NEIL3: variants seen among roughly 807,000 people sequenced by gnomAD.
The protein encoded by NEIL3 is endonuclease 8-like 3.
In NEIL3, 48 loss-of-function variants were observed where a neutral mutation model predicts 57.5. The observed-to-expected ratio is 0.83, with a 90% CI of 0.66 to 1.06. The LOEUF is 1.06. NEIL3 is among the 50% of genes least tolerant of loss of function. The probability of loss-of-function intolerance (pLI) is 0.00; values close to 1 mark genes in which losing one functional copy is unlikely to be tolerated. For synonymous variants in NEIL3, 261 were observed against 253.2 expected, an observed-to-expected ratio of 1.03 and a Z score of -0.29; for missense variants, 717 against 739.1, an observed-to-expected ratio of 0.97 and a Z score of 0.35.
chr4:177,357,855 T>C (rs985666054), intron 8 of NEIL3, among the ~76,000 whole-genome samples: 15 of 152,242 alleles, frequency 9.9e-5, no homozygotes, highest in African/African-American at 3.6e-4. Context: ...AGATCACTTA[T>C]AACCCAGAAT....
chr4:177,335,895 T>A, intron 3 of NEIL3, 73 bp downstream of exon 3: 1 of 1,333,622 alleles, frequency 7.5e-7, no homozygotes, highest in Non-Finnish European at 1.0e-6. Flanking sequence ...CACGTGTAAC[T>A]AAAGAAACAA....
chr4:177,365,807 T>TA (rs1735685605), downstream of NEIL3, among the ~76,000 whole-genome samples: 1 of 152,184 alleles, frequency 6.6e-6, no homozygotes, highest in African/African-American at 2.4e-5. Flanking sequence ...TTATTTTGCT[T>TA]AAAGTCACAG....
At chr4:177,319,533 T>A (rs1734634218) in intron 1 of NEIL3, among the ~76,000 whole-genome samples, 1 of 152,174 alleles carries the variant, frequency 6.6e-6, no homozygotes, top group Non-Finnish European at 1.5e-5. Context: ...TGGTGATTTC[T>A]GAGATTTTGG....
chr4:177,334,065 A>G (rs555980964), intron 2 of NEIL3, among the ~76,000 whole-genome samples: 40 of 152,242 alleles, frequency 2.6e-4, no homozygotes, highest in African/African-American at 9.4e-4. Context: ...AAACTAATTA[A>G]TTATGAGGAA....
intron 7 of NEIL3, among the ~76,000 whole-genome samples, chr4:177,352,960 G>A (rs1174952561): frequency 6.6e-6 from 1 of 152,126 alleles, no homozygotes; most frequent in Non-Finnish European, 1.5e-5. Flanking sequence ...AGCTTTATGG[G>A]ATATCATCTC....
chr4:177,327,770 T>C (rs915053488), intron 2 of NEIL3, among the ~76,000 whole-genome samples: 20 of 152,246 alleles, frequency 1.3e-4, no homozygotes, highest in Admixed American at 1.2e-3. Context: ...GTTGAATTTT[T>C]CAAGTATTTT....
chr4:177,339,870 T>C lies in NEIL3; in HGVS notation c.702+13T>C, dbSNP rs1735056433. 1 of 1,583,414 alleles carries C rather than the reference T, an allele frequency of 6.3e-7. No individual in the cohort carries two copies. The highest frequency in any genetic ancestry group is 8.7e-7 in the Non-Finnish European group (1 of 1,152,864). ...TCTCTTTTACAGGGTAAGAGCAAAATTTTTCAACTGTGTAAAATGTAAAAT... is the reference window on the plus strand; with the variant it reads ...TCTCTTTTACAGGGTAAGAGCAAAACTTTTCAACTGTGTAAAATGTAAAAT... On this transcript the variant is annotated intron_variant, in intron 5 of 9. Transcript: ENST00000264596.
chr4:177,327,832 G>A (rs1176569713), intron 2 of NEIL3, among the ~76,000 whole-genome samples: 2 of 151,950 alleles, frequency 1.3e-5, no homozygotes, highest in Admixed American at 6.6e-5. Flanking sequence ...ATTTGTTTAT[G>A]TGTGGAATTC....
intron 2 of NEIL3, among the ~76,000 whole-genome samples, chr4:177,327,394 T>C (rs1026297192): frequency 3.3e-5 from 5 of 152,174 alleles, no homozygotes; most frequent in African/African-American, 1.2e-4. Context: ...GCAGTTTTAT[T>C]TTTTCCTTTC....
At chr4:177,366,150 AT>A (rs1579013596), downstream of NEIL3, among the ~76,000 whole-genome samples, 1 of 152,172 alleles carries the variant, frequency 6.6e-6, no homozygotes, top group African/African-American at 2.4e-5. Context: ...GGAATATAAA[AT>A]TTTTTTCCTT....
chr4:177,310,390 C>A (rs1474247384), intron 1 of NEIL3, among the ~76,000 whole-genome samples: 4 of 152,302 alleles, frequency 2.6e-5, no homozygotes, highest in East Asian at 1.9e-4. Context: ...TACTTAACTT[C>A]TTTATGATAC....
intron 1 of NEIL3, among the ~76,000 whole-genome samples, chr4:177,313,219 A>T (rs150145821): frequency 3.2e-4 from 48 of 152,354 alleles, no homozygotes; most frequent in African/African-American, 9.9e-4. Context: ...TCAGATAATC[A>T]TACCAAAAAA....
chr4:177,346,366 G>C (rs1735221013), intron 6 of NEIL3, among the ~76,000 whole-genome samples: 1 of 151,684 alleles, frequency 6.6e-6, no homozygotes, highest in Non-Finnish European at 1.5e-5. Flanking sequence ...ATGGAATCTT[G>C]TTATGTTGCC....
chr4:177,354,019 G>A (rs1345504820), intron 8 of NEIL3: 34 of 283,048 alleles, frequency 1.2e-4, no homozygotes, highest in South Asian at 8.5e-4. Flanking sequence ...GCCCACCTCC[G>A]CCTCTCAAGG....
chr4:177,342,376 C>T (rs1578999062), intron 6 of NEIL3, among the ~76,000 whole-genome samples: 1 of 151,856 alleles, frequency 6.6e-6, no homozygotes, highest in African/African-American at 2.4e-5. Flanking sequence ...CAGTAGAAAG[C>T]AGCTGCATAG....
chr4:177,365,416 T>C (rs1480286304), downstream of NEIL3, among the ~76,000 whole-genome samples: 1 of 152,042 alleles, frequency 6.6e-6, no homozygotes, highest in Non-Finnish European at 1.5e-5. Context: ...ACAATAAAAA[T>C]TTGCCAAGTA....
chr4:177,356,049 T>C (rs954337309), intron 8 of NEIL3, among the ~76,000 whole-genome samples: 2 of 152,064 alleles, frequency 1.3e-5, no homozygotes, highest in African/African-American at 4.8e-5. Context: ...ATTAAGAATG[T>C]TTGAGTTGGG....
At chr4:177,314,813 C>T (rs1409707995) in intron 1 of NEIL3, among the ~76,000 whole-genome samples, 1 of 152,102 alleles carries the variant, frequency 6.6e-6, no homozygotes, top group Non-Finnish European at 1.5e-5. Flanking sequence ...CGCGGTGGCT[C>T]ACACCTGTAA....
chr4:177,356,400 C>T (rs1262069282), intron 8 of NEIL3, among the ~76,000 whole-genome samples: 1 of 152,186 alleles, frequency 6.6e-6, no homozygotes, highest in African/African-American at 2.4e-5. Context: ...TGAGACTCCA[C>T]AATCAATCAA....
Sources: gnomAD v4.1 joint callset for allele counts (sites outside exome capture counted in the v4.1 genomes callset) on GRCh38, gnomAD v4.1.1 for gene constraint, MANE v1.5 for transcripts, NCBI Gene and HGNC (gene_info 2026-07-23, HGNC 2026-07-21) for gene names.